NCAM2: variants seen among roughly 807,000 people sequenced by gnomAD.
NCAM2 encodes the protein N-CAM-2.
A neutral mutation model predicts 98.1 loss-of-function variants in NCAM2; 30 were observed. That is an observed-to-expected ratio of 0.31 (90% CI 0.23 to 0.41). The LOEUF is 0.41. Ranked by LOEUF, NCAM2 falls within the 10% of genes least tolerant of loss-of-function variation. NCAM2 has a pLI of 1.00. For synonymous variants in NCAM2, 368 were observed against 342.4 expected (o/e 1.07, Z -0.83); for missense variants, 867 against 1,005.8 (o/e 0.86, Z 1.87).
intron 1 of NCAM2, among the ~76,000 whole-genome samples, chr21:21,007,777 CA>C (rs951353917): frequency 1.4e-4 from 21 of 152,122 alleles, no homozygotes; most frequent in Non-Finnish European, 2.4e-4. Context: ...GTTTTATCAG[CA>C]AGGTCTTTAT....
intron 1 of NCAM2, among the ~76,000 whole-genome samples, chr21:21,221,290 T>G (rs1302355683): frequency 6.6e-6 from 1 of 152,130 alleles, no homozygotes; most frequent in Admixed American, 6.6e-5. Flanking sequence ...CAATGGCCTC[T>G]AAGTGTTCAA....
rs77003547 is a variant in NCAM2, at chr21:21,132,619, A to G, written c.55+134001A>G. On this transcript the variant is annotated intron_variant, in intron 1 of 17. Transcript: ENST00000400546. ...CCTACACACATTAAAATAACTTATT[A>G]CTAAATTCCATAAGCCTTACTAAAG... Among the ~76,000 whole-genome samples, 402 of 152,300 alleles carry G rather than the reference A, an allele frequency of 2.6e-3. 3 individuals carry two copies. The highest frequency in any genetic ancestry group is 9.1e-3 in the African/African-American group (378 of 41,562).
At chr21:21,454,432 T>C (rs765171018) in intron 12 of NCAM2, among the ~76,000 whole-genome samples, 1 of 152,066 alleles carries the variant, frequency 6.6e-6, no homozygotes, top group Non-Finnish European at 1.5e-5. Context: ...GAGTTTGATA[T>C]ATAATTTTAA....
intron 1 of NCAM2, among the ~76,000 whole-genome samples, chr21:21,036,495 A>G (rs1342159362): frequency 6.6e-6 from 1 of 152,220 alleles, no homozygotes; most frequent in East Asian, 1.9e-4. Flanking sequence ...AATTGATAAT[A>G]GATTAACAAG....
At chr21:21,386,087 T>A (rs909479811) in intron 9 of NCAM2, among the ~76,000 whole-genome samples, 2 of 152,124 alleles carry the variant, frequency 1.3e-5, no homozygotes, top group African/African-American at 4.8e-5. Context: ...TCATGTTACT[T>A]ATTTACATGC....
chr21:21,038,115 T>C (rs2064833816), intron 1 of NCAM2, among the ~76,000 whole-genome samples: 1 of 96,920 alleles, frequency 1.0e-5, no homozygotes, highest in African/African-American at 3.5e-5. Context: ...TGTTCACAAA[T>C]CTCTTGGGAA....
chr21:21,392,034 A>T (rs1240667165), intron 9 of NCAM2, among the ~76,000 whole-genome samples: 1 of 152,134 alleles, frequency 6.6e-6, no homozygotes, highest in Admixed American at 6.6e-5. Context: ...GTGTGTACAG[A>T]TTATTTCATC....
chr21:21,197,823 G>T (rs1039178305), intron 1 of NCAM2, among the ~76,000 whole-genome samples: 1 of 152,180 alleles, frequency 6.6e-6, no homozygotes, highest in Non-Finnish European at 1.5e-5. Flanking sequence ...TACTGAGGGG[G>T]TTGGGAGGGA....
At chr21:21,057,295 G>T (rs1305855180) in intron 1 of NCAM2, among the ~76,000 whole-genome samples, 3 of 152,060 alleles carry the variant, frequency 2.0e-5, no homozygotes, top group African/African-American at 7.2e-5. Flanking sequence ...CAAATACAAA[G>T]AAACTATTGA....
intron 9 of NCAM2, among the ~76,000 whole-genome samples, chr21:21,398,273 A>G (rs1467444241): frequency 6.6e-6 from 1 of 152,134 alleles, no homozygotes; most frequent in African/African-American, 2.4e-5. Context: ...AAAGGGTGAG[A>G]GTAGGGTGAG....
intron 1 of NCAM2, among the ~76,000 whole-genome samples, chr21:21,237,123 G>A (rs985047134): frequency 2.6e-5 from 4 of 152,046 alleles, no homozygotes; most frequent in African/African-American, 7.2e-5. Context: ...GCACATGGTT[G>A]GCATTTTCAT....
intron 1 of NCAM2, among the ~76,000 whole-genome samples, chr21:21,240,324 C>G (rs2071014638): frequency 6.7e-6 from 1 of 150,332 alleles, no homozygotes; most frequent in South Asian, 2.1e-4. Context: ...GTTTTAACTA[C>G]TGAAACATTT....
chr21:21,489,137 G>A lies in NCAM2; in HGVS notation c.2077+11666G>A, dbSNP rs568814318. 1.5e-3 allele frequency among the ~76,000 whole-genome samples: 226 copies of A among 151,892 alleles called. 1 individual carries two copies. The highest frequency in any genetic ancestry group is 2.4e-3 in the Non-Finnish European group (161 of 67,904). The stretch of plus-strand genomic sequence containing the variant: ...TGCCTAGTAGCTGGGTGTGCTACTA[G>A]GCGTGCAGCCACCACACCTGGCTAA... On this transcript the variant is annotated intron_variant, in intron 15 of 17. Transcript: ENST00000400546.
intron 15 of NCAM2, among the ~76,000 whole-genome samples, chr21:21,495,128 G>A (rs544099626): frequency 6.7e-6 from 1 of 149,008 alleles, no homozygotes; most frequent in Admixed American, 6.6e-5. Flanking sequence ...GGGCGGCCAT[G>A]GGGGGCTACT....
chr21:21,113,659 A>G (rs760908014), intron 1 of NCAM2, among the ~76,000 whole-genome samples: 2 of 152,192 alleles, frequency 1.3e-5, no homozygotes, highest in East Asian at 3.9e-4. Context: ...GTGTTTGTCA[A>G]TTCAGGGAAG....
At chr21:21,392,678 G>A (rs1019932449) in intron 9 of NCAM2, among the ~76,000 whole-genome samples, 4 of 152,204 alleles carry the variant, frequency 2.6e-5, no homozygotes, top group Non-Finnish European at 4.4e-5. Flanking sequence ...TTGTGGTTTC[G>A]ATTTGCATTT....
At chr21:21,493,982 G>A (rs991322333) in intron 15 of NCAM2, among the ~76,000 whole-genome samples, 1 of 151,854 alleles carries the variant, frequency 6.6e-6, no homozygotes, top group African/African-American at 2.4e-5. Flanking sequence ...TAATAATGTA[G>A]AATTGATGTT....
At chr21:21,090,820 A>G (rs1330568594) in intron 1 of NCAM2, among the ~76,000 whole-genome samples, 11 of 152,130 alleles carry the variant, frequency 7.2e-5, no homozygotes, top group Non-Finnish European at 1.6e-4. Flanking sequence ...CTCGCCTCAG[A>G]TATGTGCCAG....
chr21:21,324,915 A>G (rs1369455613), intron 6 of NCAM2, among the ~76,000 whole-genome samples: 2 of 152,128 alleles, frequency 1.3e-5, no homozygotes, highest in African/African-American at 2.4e-5. Flanking sequence ...ATTATACACA[A>G]AATGTTGTAT....
Sources: gnomAD v4.1 joint callset for allele counts (sites outside exome capture counted in the v4.1 genomes callset) on GRCh38, gnomAD v4.1.1 for gene constraint, MANE v1.5 for transcripts, NCBI Gene and HGNC (gene_info 2026-07-23, HGNC 2026-07-21) for gene names.